GPC5: variants seen among roughly 807,000 people sequenced by gnomAD.
The protein encoded by GPC5 is glypican 5.
In GPC5, 47 loss-of-function variants were observed where a neutral mutation model predicts 53.9. The ratio of observed to expected loss-of-function variants is 0.87; its 90% CI spans 0.69 to 1.11. The LOEUF is 1.11. Among genes scored for constraint, GPC5 ranks in the 50% most tolerant of loss-of-function variants. The pLI is 0.00. For synonymous variants in GPC5, 286 were observed against 263.3 expected (o/e 1.09, Z -0.84); for missense variants, 748 against 713.1 (o/e 1.05, Z -0.56).
chr13:92,041,882 A>G (rs2040944493), intron 6 of GPC5, among the ~76,000 whole-genome samples: 1 of 152,192 alleles, frequency 6.6e-6, no homozygotes, highest in Non-Finnish European at 1.5e-5. Context: ...AGGGGTCAAG[A>G]AGCAGGGATT....
chr13:92,032,459 C>A (rs577100843), intron 6 of GPC5, among the ~76,000 whole-genome samples: 1 of 150,072 alleles, frequency 6.7e-6, no homozygotes, highest in African/African-American at 2.5e-5. Flanking sequence ...AAAAAAAAAA[C>A]AGAAACAAAA....
chr13:91,896,861 G>A (rs2039447411), intron 5 of GPC5, among the ~76,000 whole-genome samples: 2 of 152,290 alleles, frequency 1.3e-5, no homozygotes, highest in South Asian at 2.1e-4. Flanking sequence ...ATAGCTGGAG[G>A]AGCAATTTTC....
At chr13:92,578,044 C>T (rs189927526) in intron 7 of GPC5, among the ~76,000 whole-genome samples, 1 of 152,254 alleles carries the variant, frequency 6.6e-6, no homozygotes, top group Admixed American at 6.5e-5. Flanking sequence ...GTTGCAAATG[C>T]TGTAGAACTT....
intron 5 of GPC5, among the ~76,000 whole-genome samples, chr13:91,897,472 A>G (rs188467529): frequency 2.0e-4 from 30 of 152,228 alleles, no homozygotes; most frequent in African/African-American, 7.2e-4. Context: ...TGGTAAAGTC[A>G]GAAAGAAGAG....
At chr13:92,713,383 G>C (rs1888209803) in intron 7 of GPC5, among the ~76,000 whole-genome samples, 1 of 150,374 alleles carries the variant, frequency 6.7e-6, no homozygotes, top group Non-Finnish European at 1.5e-5. Context: ...ACGAGGTCAG[G>C]AGATCGAGAC....
At position 91,572,090 on chromosome 13, in the gene GPC5, CAT is replaced by C. The variant is rs373775104; in HGVS notation, c.326-121096_326-121095del. Among the ~76,000 whole-genome samples, 208 of 122,592 alleles carry C rather than the reference CAT, an allele frequency of 1.7e-3. 11 individuals carry two copies. Among genetic ancestry groups the C allele is most frequent in the South Asian group, 6.4e-3 (28 of 4,344 alleles). The allele number at this position is 122,592 out of a possible 152,430, so 80.4% of individuals were successfully genotyped here. ...GTATATACACACATATGTATATGTA[CAT>C]GTGTGTGTATATACACACATGTATA... On this transcript the variant is annotated intron_variant, in intron 2 of 7. Coordinates refer to ENST00000377067, the MANE Select transcript of GPC5 (RefSeq NM_004466.6).
At chr13:91,445,488 G>A (rs551843597) in intron 1 of GPC5, among the ~76,000 whole-genome samples, 3 of 152,120 alleles carry the variant, frequency 2.0e-5, no homozygotes, top group Admixed American at 1.3e-4. Flanking sequence ...TTGTTTGTTT[G>A]TTTTGAGACA....
intron 7 of GPC5, among the ~76,000 whole-genome samples, chr13:92,284,826 C>T (rs9561002): frequency 1.2e-4 from 18 of 152,162 alleles, no homozygotes; most frequent in East Asian, 9.6e-4. Flanking sequence ...CTTTGAAACC[C>T]GGCACAAGAC....
chr13:91,658,262 T>C (rs1257048096), intron 2 of GPC5, among the ~76,000 whole-genome samples: 1 of 152,164 alleles, frequency 6.6e-6, no homozygotes, highest in African/African-American at 2.4e-5. Context: ...GTCTATAGTT[T>C]ATGTAATACT....
chr13:91,502,339 G>A (rs1884685243), intron 2 of GPC5, among the ~76,000 whole-genome samples: 1 of 152,088 alleles, frequency 6.6e-6, no homozygotes, highest in African/African-American at 2.4e-5. Flanking sequence ...GTCCTGAATG[G>A]TATTGCCTAG....
chr13:91,883,463 A>G (rs1296195627), intron 5 of GPC5, among the ~76,000 whole-genome samples: 1 of 152,230 alleles, frequency 6.6e-6, no homozygotes, highest in Admixed American at 6.5e-5. Flanking sequence ...TGACAATTAC[A>G]CATCAGGTAG....
intron 7 of GPC5, among the ~76,000 whole-genome samples, chr13:92,400,802 G>A (rs1396148227): frequency 2.0e-5 from 3 of 152,156 alleles, no homozygotes; most frequent in African/African-American, 7.2e-5. Flanking sequence ...AGAGATAACT[G>A]TGCCAGATTC....
chr13:92,578,724 G>A lies in GPC5; in HGVS notation c.1562-287558G>A, dbSNP rs184958862. Among the ~76,000 whole-genome samples the A allele has an allele frequency of 5.9e-5, 9 of 152,210 alleles. No individual in the cohort carries two copies. The East Asian group carries it at 9.7e-4, about 16-fold the overall frequency. On this transcript the variant is annotated intron_variant, in intron 7 of 7. Transcript: ENST00000377067. ...ACTGATTTAAACGCTAATCCCTTCC[G>A]GAAACATCCTCACAGACATACCCAG...
chr13:91,497,473 A>T (rs1884339142), intron 2 of GPC5, among the ~76,000 whole-genome samples: 1 of 152,216 alleles, frequency 6.6e-6, no homozygotes, highest in South Asian at 2.1e-4. Context: ...TTTAGTTGTT[A>T]GAAATGTCTT....
chr13:91,907,503 T>TTATATA (rs369447673), intron 5 of GPC5, among the ~76,000 whole-genome samples: 17,515 of 129,182 alleles, frequency 0.14, 1,624 homozygotes, highest in East Asian at 0.27. Context: ...CTCTCTCTCT[T>TTATATA]TATATATATA....
At chr13:92,399,216 A>G (rs1015768355) in intron 7 of GPC5, among the ~76,000 whole-genome samples, 8 of 152,218 alleles carry the variant, frequency 5.3e-5, no homozygotes, top group African/African-American at 1.7e-4. Flanking sequence ...GGTTACAGAG[A>G]TGAATAAATT....
At chr13:92,477,753 G>A (rs1272567059) in intron 7 of GPC5, among the ~76,000 whole-genome samples, 3 of 152,056 alleles carry the variant, frequency 2.0e-5, no homozygotes, top group African/African-American at 7.2e-5. Context: ...TGTAATAAAG[G>A]ACCTCTAGAG....
At chr13:91,813,027 C>T (rs191340599) in intron 5 of GPC5, among the ~76,000 whole-genome samples, 101 of 152,246 alleles carry the variant, frequency 6.6e-4, no homozygotes, top group Middle Eastern at 3.4e-3. Context: ...CAAAGTGTCA[C>T]GGAAGTACTA....
intron 2 of GPC5, among the ~76,000 whole-genome samples, chr13:91,673,989 C>A (rs2035310076): frequency 1.3e-5 from 2 of 152,120 alleles, no homozygotes; most frequent in Admixed American, 1.3e-4. Flanking sequence ...TAACAGATGT[C>A]CCAGACTAAT....
Sources: gnomAD v4.1 joint callset for allele counts (sites outside exome capture counted in the v4.1 genomes callset) on GRCh38, gnomAD v4.1.1 for gene constraint, MANE v1.5 for transcripts, NCBI Gene and HGNC (gene_info 2026-07-23, HGNC 2026-07-21) for gene names.